Variants in GFRA2 observed in about 807,000 individuals in gnomAD.
GFRA2 encodes GDNF family receptor alpha 2, also known as GDNF family receptor alpha-2.
GFRA2 carries 17 observed loss-of-function variants against 48.3 expected under a neutral mutation model. The observed-to-expected ratio is 0.35, with a 90% confidence interval of 0.24 to 0.53. The LOEUF (loss-of-function observed/expected upper bound fraction) is 0.53. Among genes scored for constraint, GFRA2 ranks in the 20% least tolerant of loss-of-function variants. GFRA2 has a pLI of 0.93. For missense variants in GFRA2, 660 were observed against 637.3 expected (o/e 1.04, Z -0.38); for synonymous variants, 305 against 257.2 (o/e 1.19, Z -1.78).
At chr8:21,722,821 G>A (rs1043718931) in intron 4 of GFRA2, among the ~76,000 whole-genome samples, 5 of 152,198 alleles carry the variant, frequency 3.3e-5, no homozygotes, top group African/African-American at 1.2e-4. Flanking sequence ...AGAGGACTGG[G>A]AGCCATGCCC....
At position 21,691,236 on chromosome 8, in the gene GFRA2, GTA is replaced by G. The variant is rs1563206649; in HGVS notation, c.*2040_*2041del. ...TCTTCCATTCTCCCTCCTGCCATGGGTATATATTCACACGTGCACGTGAACAT... is the reference window on the plus strand; with the variant it reads ...TCTTCCATTCTCCCTCCTGCCATGGGTATATTCACACGTGCACGTGAACAT... On this transcript the variant is annotated 3_prime_UTR_variant, in exon 9 of 9. Coordinates refer to ENST00000524240, the MANE Select transcript of GFRA2 (RefSeq NM_001495.5). The G allele has an allele frequency of 6.6e-6, 1 of 152,172 alleles. No individual in the cohort carries two copies. The highest frequency in any genetic ancestry group is 2.1e-4 in the South Asian group (1 of 4,816). 9.4% of individuals were successfully genotyped at this position (152,172 alleles called of 1,614,324 possible). A position where few individuals can be genotyped will look rare whatever the true frequency, so the allele number is the denominator to read the frequency against.
intron 4 of GFRA2, among the ~76,000 whole-genome samples, chr8:21,748,845 C>T (rs986093359): frequency 6.6e-6 from 1 of 152,218 alleles, no homozygotes; most frequent in Admixed American, 6.5e-5. Context: ...TCACGGCCCA[C>T]TCTACATGTG....
At chr8:21,713,525 C>T (rs933579674) in intron 4 of GFRA2, among the ~76,000 whole-genome samples, 5 of 151,870 alleles carry the variant, frequency 3.3e-5, no homozygotes, top group Admixed American at 1.3e-4. Context: ...ATACATAAGC[C>T]TCCAGCAAAG....
chr8:21,700,080 G>C (rs1802397519), intron 7 of GFRA2, among the ~76,000 whole-genome samples: 1 of 152,186 alleles, frequency 6.6e-6, no homozygotes, highest in South Asian at 2.1e-4. Flanking sequence ...GCACCAGGTG[G>C]AGAGGAGTGG....
intron 4 of GFRA2, among the ~76,000 whole-genome samples, chr8:21,725,018 C>T (rs185007096): frequency 2.0e-4 from 31 of 152,350 alleles, no homozygotes; most frequent in Non-Finnish European, 2.9e-5. Flanking sequence ...CTTCCTCCTA[C>T]TCACCTCACA....
chr8:21,755,641 G>C lies in GFRA2; in HGVS notation c.440-4699C>G, dbSNP rs371639546. 1.4e-4 allele frequency among the ~76,000 whole-genome samples: 22 copies of C among 151,942 alleles called. 1 individual carries two copies. Among genetic ancestry groups the C allele is most frequent in the South Asian group, 1.0e-3 (5 of 4,804 alleles). On this transcript the variant is annotated intron_variant, in intron 3 of 8. Coordinates refer to ENST00000524240, the MANE Select transcript of GFRA2 (RefSeq NM_001495.5). Reference sequence around the variant, plus strand: ...AGCATCCTGTCCAGACCTTGGTGGGGGCCGGGGGAGGGGTCCTGGAAGCAG... The same window carrying C: ...AGCATCCTGTCCAGACCTTGGTGGGCGCCGGGGGAGGGGTCCTGGAAGCAG...
chr8:21,743,205 C>T (rs1352793541), intron 4 of GFRA2, among the ~76,000 whole-genome samples: 1 of 152,162 alleles, frequency 6.6e-6, no homozygotes, highest in East Asian at 1.9e-4. Context: ...AGGGTCTCGG[C>T]TCCTTGCAGT....
intron 4 of GFRA2, among the ~76,000 whole-genome samples, chr8:21,721,454 A>C (rs1387047280): frequency 1.3e-5 from 2 of 152,178 alleles, no homozygotes; most frequent in Non-Finnish European, 2.9e-5. Context: ...CCTGTGGAGG[A>C]AGGCTGGGTA....
chr8:21,776,213 G>A (rs1411375878), intron 2 of GFRA2, among the ~76,000 whole-genome samples: 1 of 151,994 alleles, frequency 6.6e-6, no homozygotes, highest in Admixed American at 6.5e-5. Context: ...ACTGCATGTG[G>A]TCACCCAGAG....
intron 4 of GFRA2, among the ~76,000 whole-genome samples, chr8:21,708,209 G>A (rs1337042400): frequency 6.6e-6 from 1 of 152,236 alleles, no homozygotes; most frequent in East Asian, 1.9e-4. Context: ...GAAATCTGCA[G>A]TTATCCCTGC....
chr8:21,783,938 C>T (rs905066478), intron 1 of GFRA2, among the ~76,000 whole-genome samples: 7 of 151,996 alleles, frequency 4.6e-5, no homozygotes, highest in African/African-American at 1.7e-4. Flanking sequence ...CTTTCCTCTC[C>T]ACCCTCCTCT....
intron 4 of GFRA2, among the ~76,000 whole-genome samples, chr8:21,717,566 G>C (rs1199645290): frequency 6.6e-6 from 1 of 152,132 alleles, no homozygotes; most frequent in East Asian, 1.9e-4. Context: ...AATTGAACTA[G>C]GCCTCAGGAA....
chr8:21,777,517 G>A lies in GFRA2; in HGVS notation c.356-2462C>T, dbSNP rs953882049. On this transcript the variant is annotated intron_variant, in intron 2 of 8. Transcript: ENST00000524240. Reference sequence around the variant, plus strand: ...ACAGAATTCACCAGTGAGAAATCCCGAGGTGTGAGCCACTGAAACCAGAGC... The same window carrying A: ...ACAGAATTCACCAGTGAGAAATCCCAAGGTGTGAGCCACTGAAACCAGAGC... Among the ~76,000 whole-genome samples, 7 of 152,294 alleles carry A rather than the reference G, an allele frequency of 4.6e-5. No homozygotes were observed. The East Asian group carries it at 1.4e-3, about 29-fold the overall frequency.
At chr8:21,700,521 G>A (rs1199648167) in intron 7 of GFRA2, among the ~76,000 whole-genome samples, 2 of 152,202 alleles carry the variant, frequency 1.3e-5, no homozygotes, top group East Asian at 1.9e-4. Flanking sequence ...AGATTTGGAG[G>A]AGGAGGAACC....
At chr8:21,762,275 T>C (rs754137831) in intron 3 of GFRA2, among the ~76,000 whole-genome samples, 46 of 151,996 alleles carry the variant, frequency 3.0e-4, no homozygotes, top group Non-Finnish European at 5.3e-4. Context: ...AGTGTCCCCG[T>C]CCCCAGGAGC....
chr8:21,700,418 G>A (rs1802415762), intron 7 of GFRA2, among the ~76,000 whole-genome samples: 1 of 152,202 alleles, frequency 6.6e-6, no homozygotes, highest in Admixed American at 6.5e-5. Flanking sequence ...CAACTGGGAG[G>A]GGGCTCCTGG....
At chr8:21,790,870 AG>A, upstream of GFRA2, among the ~76,000 whole-genome samples, 2 of 152,318 alleles carry the variant, frequency 1.3e-5, no homozygotes, top group East Asian at 3.9e-4. Context: ...GGATAAGTGT[AG>A]GTTAAAAGAT....
intron 4 of GFRA2, among the ~76,000 whole-genome samples, chr8:21,721,534 C>T (rs940095243): frequency 1.3e-5 from 2 of 152,184 alleles, no homozygotes; most frequent in Non-Finnish European, 2.9e-5. Flanking sequence ...TGGGTCAAAA[C>T]GCCCGCTGCA....
In GFRA2 at chr8:21,696,405, A is replaced by G. The variant is rs150353043; in HGVS notation, c.1219-1888T>C. On this transcript the variant is annotated intron_variant, in intron 7 of 8. Coordinates refer to ENST00000524240, the MANE Select transcript of GFRA2 (RefSeq NM_001495.5). ...TTATTTGTATATTGGAGGTACGCAT[A>G]AAATTGTTTGGATAATAGTCTACTG... 2.6e-3 allele frequency among the ~76,000 whole-genome samples: 402 copies of G among 151,854 alleles called. 2 individuals carry two copies. Among genetic ancestry groups the G allele is most frequent in the African/African-American group, 9.2e-3 (383 of 41,558 alleles).
Sources: allele counts gnomAD v4.1 joint callset (sites outside exome capture counted in the v4.1 genomes callset), GRCh38; gene constraint gnomAD v4.1.1; transcripts MANE v1.5; gene names NCBI Gene and HGNC (gene_info 2026-07-23, HGNC 2026-07-21).